The following NDUFS3 variants were observed in gnomAD, a reference collection of about 807,000 sequenced individuals.
The protein encoded by NDUFS3 is NADH:ubiquinone oxidoreductase core subunit S3.
Under a neutral mutation model 30.8 loss-of-function variants are expected in NDUFS3, and 19 were observed. That is an observed-to-expected ratio of 0.62 (90% CI 0.43 to 0.91). NDUFS3 has a LOEUF of 0.91. Among genes scored for constraint, NDUFS3 ranks in the 40% least tolerant of loss-of-function variants. The pLI, the probability that NDUFS3 is intolerant of heterozygous loss-of-function variation, is 0.00. For synonymous variants in NDUFS3, 153 were observed against 135.8 expected (o/e 1.13, Z -0.88); for missense variants, 331 against 342.0 (o/e 0.97, Z 0.25).
At chr11:47,583,090 C>G (rs2097269531) in intron 6 of NDUFS3, among the ~76,000 whole-genome samples, 1 of 151,838 alleles carries the variant, frequency 6.6e-6, no homozygotes, top group Non-Finnish European at 1.5e-5. Context: ...CTCTTGTCAC[C>G]TAGGATGGAG....
intron 2 of NDUFS3, 62 bp from the exon 3 acceptor site, chr11:47,580,463 C>T: frequency 2.0e-6 from 3 of 1,483,914 alleles, no homozygotes; most frequent in Non-Finnish European, 2.8e-6. Context: ...GCCTAAGAGA[C>T]TGCATGCAGG....
chr11:47,581,748 T>C (rs1210207122), intron 4 of NDUFS3: 1 of 374,906 alleles, frequency 2.7e-6, no homozygotes, highest in Non-Finnish European at 5.1e-6. Flanking sequence ...ACAAAGGATA[T>C]TAGAGGGATG....
chr11:47,581,311 G>A (rs1359678744), intron 4 of NDUFS3: 4 of 343,188 alleles, frequency 1.2e-5, no homozygotes, highest in African/African-American at 4.3e-5. Flanking sequence ...ATGCCACCAC[G>A]CCCGGCTAAT....
chr11:47,582,541 G>A, intron 6 of NDUFS3, 73 bp downstream of exon 6: 1 of 1,607,142 alleles, frequency 6.2e-7, no homozygotes, highest in Non-Finnish European at 8.5e-7. Flanking sequence ...CCTGGGAATG[G>A]CAAGAAATAC....
chr11:47,582,718 G>C (rs1029379485), intron 6 of NDUFS3, among the ~76,000 whole-genome samples: 1 of 152,248 alleles, frequency 6.6e-6, no homozygotes, highest in African/African-American at 2.4e-5. Context: ...ATTAAATAAT[G>C]TATGTGTAGG....
intron 6 of NDUFS3, among the ~76,000 whole-genome samples, chr11:47,583,832 CAT>C (rs2097269875): frequency 6.6e-6 from 1 of 152,210 alleles, no homozygotes. Context: ...TTACCTTATC[CAT>C]TTGATCCCCA....
chr11:47,579,096 C>A lies in NDUFS3; in HGVS notation c.5C>A (p.Ala2Glu), dbSNP rs775647796. The A allele has an allele frequency of 1.3e-6, 2 of 1,566,366 alleles. No homozygotes were observed. The highest frequency in any genetic ancestry group is 1.7e-6 in the Non-Finnish European group (2 of 1,157,344). The change falls in exon 1 of 7, where the codon GCG becomes GAG. Residue 2 changes from alanine (A) to glutamate (E), a missense_variant. Coordinates refer to ENST00000263774, the MANE Select transcript of NDUFS3 (RefSeq NM_004551.3). ...CCTAGTCTGCATCTGAGTAACATGG[C>A]GGCGGCGGCGGTAGCCAGGCTGTGG... Reference protein sequence around the residue: MAAAAVARLWWR... With the variant: MEAAAVARLWWR...
chr11:47,579,399 GC>G (rs2097266747), intron 2 of NDUFS3, 65 bp downstream of exon 2: 1 of 1,585,692 alleles, frequency 6.3e-7, no homozygotes, highest in African/African-American at 1.3e-5. Context: ...GCCTGTCCTT[GC>G]CCTAGGATGC....
At chr11:47,580,214 G>A (rs1401267518) in intron 2 of NDUFS3, among the ~76,000 whole-genome samples, 1 of 152,210 alleles carries the variant, frequency 6.6e-6, no homozygotes, top group Non-Finnish European at 1.5e-5. Context: ...AGTCTGACAG[G>A]AGAACTGAGA....
intron 4 of NDUFS3, 75 bp downstream of exon 4, chr11:47,581,059 C>T: frequency 6.4e-7 from 1 of 1,571,422 alleles, no homozygotes; most frequent in Non-Finnish European, 8.7e-7. Context: ...TAGAACACAG[C>T]AGTTAAACTG....
Position 47,584,561 on chromosome 11 carries a change from T to TA in NDUFS3, c.*81dup. On this transcript the variant is annotated 3_prime_UTR_variant, in exon 7 of 7. Transcript: ENST00000263774. Reference sequence around the variant, plus strand: ...GTGTAAATAAATTCCTACTTAGACTTACCACTTTGTGTGTGCTTGTAATGT... The same window carrying TA: ...GTGTAAATAAATTCCTACTTAGACTTAACCACTTTGTGTGTGCTTGTAATGT... 6.4e-7 allele frequency: 1 copy of TA among 1,554,784 alleles called. No individual in the cohort carries two copies. Among genetic ancestry groups the TA allele is most frequent in the Non-Finnish European group, 8.8e-7 (1 of 1,134,078 alleles).
intron 4 of NDUFS3, chr11:47,581,386 ACCT>A: frequency 3.6e-6 from 1 of 277,884 alleles, no homozygotes; most frequent in Admixed American, 5.0e-5. Context: ...CAATTTCCTG[ACCT>A]CGTGATCTGC....
chr11:47,581,016 G>A, intron 4 of NDUFS3, 32 bp downstream of exon 4: 3 of 1,613,942 alleles, frequency 1.9e-6, no homozygotes, highest in Middle Eastern at 1.7e-4. Context: ...GGTTTTGGGG[G>A]TAAGGATATT....
Position 47,579,327 on chromosome 11 carries a change from C to T in NDUFS3, c.126C>T (p.Asp42=). The change falls in exon 2 of 7, where the codon GAC becomes GAT. Residue 42 remains aspartate (D), a synonymous_variant. Transcript: ENST00000263774. ...TGAGGCGGGAGAGCGCCGGGGCCGA[C>T]ACGCGCCGTGAGTATGTGCGGGCAG... ...LPVRRESAGA[D]TRPTVRPRND... 6.2e-7 allele frequency: 1 copy of T among 1,613,852 alleles called. No individual in the cohort carries two copies. The highest frequency in any genetic ancestry group is 8.5e-7 in the Non-Finnish European group (1 of 1,180,038).
rs1287184430 is a variant in NDUFS3 at position 47,584,498 on chromosome 11, T to C, written c.*17T>C. ...GCCAAGTAGCTCCAGGGAACGCATG[T>C]GGATCCTAGACAGCGCCTTATCTAT... On this transcript the variant is annotated 3_prime_UTR_variant, in exon 7 of 7. Coordinates refer to ENST00000263774, the MANE Select transcript of NDUFS3 (RefSeq NM_004551.3). The C allele has an allele frequency of 6.2e-7, 1 of 1,613,738 alleles. No homozygotes were observed. The highest frequency in any genetic ancestry group is 1.7e-5 in the Admixed American group (1 of 60,010).
At position 47,579,395 on chromosome 11, in the gene NDUFS3, C is replaced by T. The variant is rs746207874; in HGVS notation, c.133+61C>T. On this transcript the variant is annotated intron_variant, in intron 2 of 6. Coordinates refer to ENST00000263774, the MANE Select transcript of NDUFS3 (RefSeq NM_004551.3). ...TCGGCGGGGCCCCTTAGATGCCTGTCCTTGCCCTAGGATGCCCTTCCCTAC... is the reference window on the plus strand; with the variant it reads ...TCGGCGGGGCCCCTTAGATGCCTGTTCTTGCCCTAGGATGCCCTTCCCTAC... 8 of 1,599,968 alleles carry T rather than the reference C, an allele frequency of 5.0e-6. No individual in the cohort carries two copies. The African/African-American group carries it at 6.7e-5, about 13-fold the overall frequency.
Position 47,580,997 on chromosome 11 carries a change from AT to A in NDUFS3, c.381+14del, listed in dbSNP as rs1430731372. Reference sequence around the variant, plus strand: ...AAACCGTTTTGAGGTCAGTTGGGAGATCTGAGAAGGTTTTGGGGGTAAGGAT... The same window carrying A: ...AAACCGTTTTGAGGTCAGTTGGGAGACTGAGAAGGTTTTGGGGGTAAGGAT... On this transcript the variant is annotated intron_variant, in intron 4 of 6. Transcript: ENST00000263774. 6.2e-7 allele frequency: 1 copy of A among 1,614,156 alleles called. No individual in the cohort carries two copies. Among genetic ancestry groups the A allele is most frequent in the South Asian group, 1.1e-5 (1 of 91,090 alleles).
Position 47,582,072 on chromosome 11 carries a change from CTTCT to C in NDUFS3, c.382-15_382-12del. Reference sequence around the variant, plus strand: ...GACTCCCATCTCAGCCCTCCAGATCCTTCTGTTCTCCCTAGATTGTCTACAACCT... The same window carrying C: ...GACTCCCATCTCAGCCCTCCAGATCCGTTCTCCCTAGATTGTCTACAACCT... On this transcript the variant is annotated splice_polypyrimidine_tract_variant and intron_variant, in intron 4 of 6. Transcript: ENST00000263774. 1 of 1,613,414 alleles carries C rather than the reference CTTCT, an allele frequency of 6.2e-7. No individual in the cohort carries two copies. Among genetic ancestry groups the C allele is most frequent in the Non-Finnish European group, 8.5e-7 (1 of 1,180,010 alleles).
intron 2 of NDUFS3, among the ~76,000 whole-genome samples, chr11:47,579,908 A>G (rs769221017): frequency 6.6e-6 from 1 of 152,030 alleles, no homozygotes; most frequent in Non-Finnish European, 1.5e-5. Context: ...GAGTATGTAC[A>G]TATTATGTTA....
Sources: gnomAD v4.1 joint callset for allele counts (sites outside exome capture counted in the v4.1 genomes callset) on GRCh38, gnomAD v4.1.1 for gene constraint, MANE v1.5 for transcripts, NCBI Gene and HGNC (gene_info 2026-07-23, HGNC 2026-07-21) for gene names.